Variants in SLC20A2 observed in about 807,000 individuals in gnomAD.
SLC20A2 encodes the protein sodium-dependent phosphate transporter 2.
SLC20A2 carries 30 observed loss-of-function variants against 61.0 expected under a neutral mutation model. The observed-to-expected ratio is 0.49, with a 90% CI of 0.37 to 0.67. The LOEUF (loss-of-function observed/expected upper bound fraction) is 0.67. SLC20A2 is among the 30% of genes least tolerant of loss of function. SLC20A2 has a pLI of 0.00. For missense variants in SLC20A2, 626 were observed against 866.4 expected (o/e 0.72, Z 3.48); for synonymous variants, 351 against 353.3 (o/e 0.99, Z 0.07).
intron 1 of SLC20A2, among the ~76,000 whole-genome samples, chr8:42,486,595 G>C (rs896002811): frequency 6.6e-6 from 1 of 152,230 alleles, no homozygotes; most frequent in Non-Finnish European, 1.5e-5. Flanking sequence ...CAGCTTTGCT[G>C]GATGAAGGAT....
At chr8:42,504,881 A>AAAAAACAAAAAAAC (rs1810560495), upstream of SLC20A2, among the ~76,000 whole-genome samples, 1 of 145,210 alleles carries the variant, frequency 6.9e-6, no homozygotes, top group Non-Finnish European at 1.5e-5. Flanking sequence ...AAAAAAAAAA[A>AAAAAACAAAAAAAC]AAAAAGGCAT....
chr8:42,439,914 G>A (rs553420113), intron 6 of SLC20A2, among the ~76,000 whole-genome samples: 88 of 151,990 alleles, frequency 5.8e-4, no homozygotes, highest in African/African-American at 1.4e-3. Context: ...GTGAAACCCC[G>A]TCTCTACTAA....
chr8:42,438,770 G>A (rs1804539736), intron 7 of SLC20A2, among the ~76,000 whole-genome samples: 1 of 152,142 alleles, frequency 6.6e-6, no homozygotes, highest in Non-Finnish European at 1.5e-5. Context: ...AGGCTGGAGT[G>A]CAATGGCGCA....
At chr8:42,424,353 T>C (rs1015241003) in intron 10 of SLC20A2, among the ~76,000 whole-genome samples, 3 of 152,106 alleles carry the variant, frequency 2.0e-5, no homozygotes, top group Non-Finnish European at 4.4e-5. Context: ...TTTGCTCTTG[T>C]TGCCCAGGCT....
rs1804593226 is a variant in SLC20A2, at chr8:42,439,473, C to T, written c.911G>A (p.Gly304Asp). The T allele has an allele frequency of 6.2e-7, 1 of 1,613,592 alleles. No homozygotes were observed. Among genetic ancestry groups the T allele is most frequent in the African/African-American group, 1.3e-5 (1 of 74,916 alleles). ...TLGTSEGTSAGSHPRAAYGRA... is the reference protein window; with the variant it reads ...TLGTSEGTSADSHPRAAYGRA... ...ACCGTATGCAGCCCGAGGGTGGCTG[C>T]CCGCAGAAGTGCCTTCCGAGGTCCC... The change falls in exon 7 of 11, where the codon GGC (glycine) becomes GAC (aspartate). Residue 304 changes from glycine (G) to aspartate (D), a missense_variant. Physicochemically the swap from Gly to Asp is moderately conservative, Grantham distance 94. Around this residue, in one of 3 missense-constraint regions of SLC20A2, gnomAD observed 361 missense variants for 422.3 expected, o/e 0.85. Coordinates refer to ENST00000520262, the MANE Select transcript of SLC20A2 (RefSeq NM_001257180.2).
intron 8 of SLC20A2, among the ~76,000 whole-genome samples, chr8:42,433,909 T>C (rs962733149): frequency 1.3e-5 from 2 of 152,232 alleles, no homozygotes; most frequent in African/African-American, 2.4e-5. Flanking sequence ...GAGGTCTGTT[T>C]AATTTTTTGA....
chr8:42,529,788 T>C (rs1812209643), intron 1 of SLC20A2, among the ~76,000 whole-genome samples: 1 of 152,222 alleles, frequency 6.6e-6, no homozygotes, highest in Non-Finnish European at 1.5e-5. Flanking sequence ...AACTAAGCTT[T>C]GGATATTAAT....
intron 1 of SLC20A2, among the ~76,000 whole-genome samples, chr8:42,475,408 G>A (rs1807996003): frequency 6.7e-6 from 1 of 149,770 alleles, no homozygotes; most frequent in Non-Finnish European, 1.5e-5. Flanking sequence ...CCCAGACTTA[G>A]GAATTTTTCT....
chr8:42,443,264 GATATATATATATATATATATATATAT>G (rs869057900), intron 6 of SLC20A2, among the ~76,000 whole-genome samples: 1 of 105,480 alleles, frequency 9.5e-6, no homozygotes, highest in East Asian at 2.9e-4. Context: ...ATTATTATAG[GATATATATATATATATATATATATAT>G]ATATATATAT....
rs1804349885 is a variant in SLC20A2, at chr8:42,437,239, T to C, written c.1273A>G (p.Lys425Glu). The part of the protein sequence containing the change: ...KLVGDTVSYS[K>E]KRLRYDSYSS... ...TAGCTGTCGTAGCGCAGCCTCTTCT[T>C]GGAGTAGGACACGGTGTCGCCCACC... The change falls in exon 8 of 11, where the codon AAG becomes GAG. Residue 425 changes from lysine to glutamate, a missense_variant. Coordinates refer to ENST00000520262, the MANE Select transcript of SLC20A2 (RefSeq NM_001257180.2). This position sits in a 1 kb window ranked among gnomAD's most constrained non-coding sequence, Gnocchi z 6.4. 10 of 1,613,778 alleles carry C rather than the reference T, an allele frequency of 6.2e-6. No homozygotes were observed. Among genetic ancestry groups the C allele is most frequent in the African/African-American group, 1.3e-5 (1 of 74,908 alleles).
At chr8:42,429,421 T>TTC (rs1006459733) in intron 9 of SLC20A2, among the ~76,000 whole-genome samples, 3 of 152,178 alleles carry the variant, frequency 2.0e-5, no homozygotes, top group Admixed American at 6.5e-5. Context: ...TTTGGATCAC[T>TTC]TCCTGAAACT....
intron 1 of SLC20A2, among the ~76,000 whole-genome samples, chr8:42,485,494 T>C (rs867125887): frequency 5.3e-5 from 8 of 151,242 alleles, no homozygotes; most frequent in African/African-American, 1.9e-4. Context: ...ATACAAAAAT[T>C]GGCCGGGTGT....
chr8:42,520,397 C>A (rs968947614), intron 1 of SLC20A2, among the ~76,000 whole-genome samples: 13 of 151,968 alleles, frequency 8.6e-5, no homozygotes, highest in African/African-American at 2.9e-4. Context: ...TAAAAATTAA[C>A]CTCTACCACA....
At chr8:42,422,737 G>A (rs901659747) in intron 10 of SLC20A2, among the ~76,000 whole-genome samples, 2 of 151,918 alleles carry the variant, frequency 1.3e-5, no homozygotes, top group African/African-American at 2.4e-5. Context: ...TACTTCTTAG[G>A]CCAATATTTC....
At chr8:42,427,948 CAA>C (rs1430210568) in intron 10 of SLC20A2, among the ~76,000 whole-genome samples, 1 of 152,194 alleles carries the variant, frequency 6.6e-6, no homozygotes, top group East Asian at 1.9e-4. Context: ...GGAAAAATCT[CAA>C]AGTGACTTTC....
At chr8:42,473,216 G>A (rs1807785971) in intron 1 of SLC20A2, among the ~76,000 whole-genome samples, 1 of 152,198 alleles carries the variant, frequency 6.6e-6, no homozygotes, top group Non-Finnish European at 1.5e-5. Context: ...ACCAAGGCAG[G>A]AACTGACAGG....
chr8:42,471,515 G>GA lies in SLC20A2; in HGVS notation c.289+586dup, dbSNP rs539274055. 2.8e-3 allele frequency among the ~76,000 whole-genome samples: 430 copies of GA among 152,248 alleles called. 1 individual carries two copies. Among genetic ancestry groups the GA allele is most frequent in the Non-Finnish European group, 3.4e-3 (233 of 68,020 alleles). On this transcript the variant is annotated intron_variant, in intron 2 of 10. Coordinates refer to ENST00000520262, the MANE Select transcript of SLC20A2 (RefSeq NM_001257180.2). ...AATGGAGCTCCCAGAGGTAGAATCAGAAAATCAAAACAAAAGCCAACAAAA... is the reference window on the plus strand; with the variant it reads ...AATGGAGCTCCCAGAGGTAGAATCAGAAAAATCAAAACAAAAGCCAACAAAA...
intron 10 of SLC20A2, among the ~76,000 whole-genome samples, chr8:42,423,731 AGTTACAT>A (rs1207291958): frequency 2.0e-5 from 3 of 152,186 alleles, no homozygotes; most frequent in African/African-American, 7.2e-5. Flanking sequence ...TTATGTATTT[AGTTACAT>A]GTTATTTGAT....
At chr8:42,428,552 C>T (rs1204786383) in intron 10 of SLC20A2, among the ~76,000 whole-genome samples, 1 of 152,226 alleles carries the variant, frequency 6.6e-6, no homozygotes, top group African/African-American at 2.4e-5. Context: ...AAAGCCAGGT[C>T]TGAACGAGAG....
Sources: allele counts gnomAD v4.1 joint callset (sites outside exome capture counted in the v4.1 genomes callset), GRCh38; gene constraint gnomAD v4.1.1; regional missense constraint gnomAD v4.1.1; non-coding constraint Gnocchi (gnomAD v3.1); transcripts MANE v1.5; gene names NCBI Gene and HGNC (gene_info 2026-07-23, HGNC 2026-07-21).